The following RBFOX1 variants were observed in gnomAD, a reference collection of about 807,000 sequenced individuals.
RBFOX1 encodes RNA binding fox-1 homolog 1.
Under a neutral mutation model 57.7 loss-of-function variants are expected in RBFOX1, and 8 were observed. That is an observed-to-expected ratio of 0.14 (90% CI 0.08 to 0.25). The LOEUF (loss-of-function observed/expected upper bound fraction) is 0.25. Among genes scored for constraint, RBFOX1 ranks in the 10% least tolerant of loss-of-function variants. The pLI is 1.00. For synonymous variants in RBFOX1, 326 were observed against 222.4 expected (o/e 1.47, Z -4.15); for missense variants, 611 against 548.5 (o/e 1.11, Z -1.14).
Position 5,410,457 on chromosome 16 carries a change from T to G in RBFOX1, c.220-56759T>G, listed in dbSNP as rs140181898. On this transcript the variant is annotated intron_variant, in intron 1 of 2. Transcript: ENST00000585867. ...CCCAACAAAGAAAAGTGAAACAGAA[T>G]GGTACAAATAAGACTATTTCAAGAT... Among the ~76,000 whole-genome samples the G allele has an allele frequency of 4.1e-3, 625 of 152,282 alleles. 4 individuals carry two copies. Among genetic ancestry groups the G allele is most frequent in the Non-Finnish European group, 6.7e-3 (458 of 68,028 alleles).
At chr16:5,462,168 C>T (rs642739) in intron 1 of RBFOX1, among the ~76,000 whole-genome samples, 2,907 of 40,558 alleles carry the variant, frequency 0.072, 148 homozygotes, top group African/African-American at 0.12. Flanking sequence ...TTCTTTCTTT[C>T]TTTTTTTTTT....
intron 4 of RBFOX1, among the ~76,000 whole-genome samples, chr16:5,995,729 G>A (rs1424924701): frequency 6.6e-6 from 1 of 152,148 alleles, no homozygotes; most frequent in Non-Finnish European, 1.5e-5. Flanking sequence ...AAGAGTTCCT[G>A]GGGCTCTTAG....
chr16:7,078,375 T>C (rs1328673799), intron 4 of RBFOX1, among the ~76,000 whole-genome samples: 1 of 152,188 alleles, frequency 6.6e-6, no homozygotes, highest in Non-Finnish European at 1.5e-5. Context: ...TTAGATGGAG[T>C]GTCACTCTAT....
chr16:5,786,938 C>G (rs1451118675), intron 3 of RBFOX1, among the ~76,000 whole-genome samples: 2 of 152,132 alleles, frequency 1.3e-5, no homozygotes, highest in African/African-American at 4.8e-5. Flanking sequence ...GAGATCGAGA[C>G]CAGCCTGGCC....
chr16:7,068,489 G>C (rs1380928822), intron 4 of RBFOX1, among the ~76,000 whole-genome samples: 1 of 152,096 alleles, frequency 6.6e-6, no homozygotes, highest in Non-Finnish European at 1.5e-5. Flanking sequence ...GTCCCTACTG[G>C]CATTCATTGC....
chr16:6,368,986 C>G (rs1305643378), intron 2 of RBFOX1, among the ~76,000 whole-genome samples: 2 of 152,138 alleles, frequency 1.3e-5, no homozygotes, highest in Admixed American at 1.3e-4. Context: ...GATGTGTTAT[C>G]CTCACTTGTG....
chr16:6,893,315 T>G (rs924299137), intron 3 of RBFOX1, among the ~76,000 whole-genome samples: 1 of 152,134 alleles, frequency 6.6e-6, no homozygotes, highest in Admixed American at 6.6e-5. Context: ...AGAAAGCCCC[T>G]AGAGATCAAA....
chr16:5,594,043 G>A (rs1039290193), intron 2 of RBFOX1, among the ~76,000 whole-genome samples: 1 of 151,888 alleles, frequency 6.6e-6, no homozygotes, highest in Non-Finnish European at 1.5e-5. Context: ...CCATGGCCTT[G>A]GCTTGGAGCT....
At chr16:5,448,149 G>T (rs1186976934) in intron 1 of RBFOX1, among the ~76,000 whole-genome samples, 5 of 152,222 alleles carry the variant, frequency 3.3e-5, no homozygotes, top group Admixed American at 1.3e-4. Flanking sequence ...GTCAATAGGG[G>T]CAGCCTAATT....
intron 2 of RBFOX1, among the ~76,000 whole-genome samples, chr16:6,602,337 A>G (rs60643928): frequency 6.6e-6 from 1 of 152,084 alleles, no homozygotes; most frequent in African/African-American, 2.4e-5. Flanking sequence ...AGTCCGACGT[A>G]TTCTTTTTCC....
intron 14 of RBFOX1, among the ~76,000 whole-genome samples, chr16:7,687,816 C>A (rs1002301389): frequency 3.3e-5 from 5 of 151,996 alleles, no homozygotes; most frequent in African/African-American, 1.2e-4. Context: ...ACAACTGTTT[C>A]CTGAAGAGGC....
intron 4 of RBFOX1, among the ~76,000 whole-genome samples, chr16:7,447,081 G>T (rs917525952): frequency 6.6e-6 from 1 of 151,838 alleles, no homozygotes. Context: ...CAAAGTGCTG[G>T]GATTACAGGC....
intron 1 of RBFOX1, among the ~76,000 whole-genome samples, chr16:5,432,977 G>C (rs570866921): frequency 1.3e-5 from 2 of 152,122 alleles, no homozygotes; most frequent in African/African-American, 4.8e-5. Flanking sequence ...GTACAGACAG[G>C]GTTTCACCAT....
chr16:7,047,003 A>G (rs1014937963), intron 3 of RBFOX1, among the ~76,000 whole-genome samples: 41 of 147,932 alleles, frequency 2.8e-4, no homozygotes, highest in African/African-American at 9.7e-4. Flanking sequence ...CATTAAACAT[A>G]TTTTAATGAA....
chr16:7,102,162 C>T (rs1324556673), intron 4 of RBFOX1, among the ~76,000 whole-genome samples: 1 of 152,200 alleles, frequency 6.6e-6, no homozygotes, highest in African/African-American at 2.4e-5. Context: ...TCCTCTTACT[C>T]ACACTCATCG....
chr16:7,409,985 C>T (rs1323429077), intron 4 of RBFOX1, among the ~76,000 whole-genome samples: 1 of 152,110 alleles, frequency 6.6e-6, no homozygotes, highest in Non-Finnish European at 1.5e-5. Context: ...AGGAAGAGGA[C>T]CAGGGGACAC....
At chr16:6,580,572 A>G (rs574242087) in intron 2 of RBFOX1, among the ~76,000 whole-genome samples, 4 of 131,324 alleles carry the variant, frequency 3.0e-5, no homozygotes, top group African/African-American at 1.0e-4. Flanking sequence ...TCAATTCTGC[A>G]AAACCAGAAA....
intron 4 of RBFOX1, among the ~76,000 whole-genome samples, chr16:5,999,837 C>T (rs2060558690): frequency 7.9e-6 from 1 of 127,034 alleles, no homozygotes; most frequent in Admixed American, 9.5e-5. Flanking sequence ...CACTGCGCTC[C>T]AGCCTGGGCG....
intron 3 of RBFOX1, among the ~76,000 whole-genome samples, chr16:7,028,424 C>G (rs796491185): frequency 6.6e-6 from 1 of 151,766 alleles, no homozygotes; most frequent in Non-Finnish European, 1.5e-5. Flanking sequence ...CCTGTCTCTA[C>G]TAAAAATATA....
Sources: gnomAD v4.1 joint callset for allele counts (sites outside exome capture counted in the v4.1 genomes callset) on GRCh38, gnomAD v4.1.1 for gene constraint, MANE v1.5 for transcripts, NCBI Gene and HGNC (gene_info 2026-07-23, HGNC 2026-07-21) for gene names.